NFIA: variants seen among roughly 807,000 people sequenced by gnomAD.
The protein encoded by NFIA is nuclear factor I A.
Under a neutral mutation model 62.8 loss-of-function variants are expected in NFIA, and 8 were observed. That is an observed-to-expected ratio of 0.13 (90% CI 0.07 to 0.23). The LOEUF (loss-of-function observed/expected upper bound fraction) is 0.23. Among genes scored for constraint, NFIA ranks in the 10% least tolerant of loss-of-function variants. The pLI, the probability that NFIA is intolerant of heterozygous loss-of-function variation, is 1.00. For synonymous variants in NFIA, 235 were observed against 238.1 expected (o/e 0.99, Z 0.12); for missense variants, 410 against 642.1 (o/e 0.64, Z 3.91).
At chr1:61,240,658 ATTG>A in intron 2 of NFIA, among the ~76,000 whole-genome samples, 1 of 152,074 alleles carries the variant, frequency 6.6e-6, no homozygotes, top group African/African-American at 2.4e-5. Context: ...AAATTACTAG[ATTG>A]TAATTTTCTT....
chr1:61,369,697 A>G (rs891028306), intron 6 of NFIA, among the ~76,000 whole-genome samples: 3 of 152,118 alleles, frequency 2.0e-5, no homozygotes, highest in Non-Finnish European at 4.4e-5. Flanking sequence ...TTTTAAATAT[A>G]TAAGCGTTTT....
At chr1:61,262,650 A>C (rs1443552845) in intron 2 of NFIA, among the ~76,000 whole-genome samples, 6 of 152,252 alleles carry the variant, frequency 3.9e-5, no homozygotes, top group African/African-American at 1.4e-4. Context: ...GAGAAAAGGA[A>C]ATCATTAAGT....
At chr1:61,228,066 C>T (rs1373672125) in intron 2 of NFIA, among the ~76,000 whole-genome samples, 1 of 152,184 alleles carries the variant, frequency 6.6e-6, no homozygotes, top group Non-Finnish European at 1.5e-5. Flanking sequence ...CCAATTTAAT[C>T]AGTCTGAATG....
chr1:61,461,298 AT>A lies in NFIA; in HGVS notation c.*5979del, dbSNP rs1399507478. On this transcript the variant is annotated 3_prime_UTR_variant, in exon 11 of 11. Coordinates refer to ENST00000403491, the MANE Select transcript of NFIA (RefSeq NM_001134673.4). Reference sequence around the variant, plus strand: ...ATTAAAAGGAAAAATAAGAAAAAAAATGTAAGAAATCACATGGCTATTTAGT... The same window carrying A: ...ATTAAAAGGAAAAATAAGAAAAAAAAGTAAGAAATCACATGGCTATTTAGT... 2.6e-5 allele frequency: 4 copies of A among 152,224 alleles called. No homozygotes were observed. The highest frequency in any genetic ancestry group is 4.8e-5 in the African/African-American group (2 of 41,462). 9.4% of individuals were successfully genotyped at this position (152,224 alleles called of 1,614,324 possible).
chr1:61,228,504 G>C (rs1654469826), intron 2 of NFIA, among the ~76,000 whole-genome samples: 1 of 152,156 alleles, frequency 6.6e-6, no homozygotes, highest in African/African-American at 2.4e-5. Context: ...GGATGGTGTG[G>C]CTCAAATAAT....
At chr1:61,346,484 T>G (rs1662234343) in intron 4 of NFIA, among the ~76,000 whole-genome samples, 1 of 152,258 alleles carries the variant, frequency 6.6e-6, no homozygotes, top group African/African-American at 2.4e-5. Flanking sequence ...ACATACATCT[T>G]ATTGATATTT....
intron 2 of NFIA, among the ~76,000 whole-genome samples, chr1:61,097,498 G>C (rs1329402182): frequency 1.3e-5 from 2 of 152,168 alleles, no homozygotes; most frequent in Non-Finnish European, 2.9e-5. Context: ...GCCAGTGATT[G>C]GGTAGTACAT....
intron 2 of NFIA, among the ~76,000 whole-genome samples, chr1:61,175,256 CTCAG>C (rs1299170215): frequency 6.6e-6 from 1 of 152,046 alleles, no homozygotes; most frequent in Non-Finnish European, 1.5e-5. Flanking sequence ...ATTCTCTTGC[CTCAG>C]TCTTTTGAGT....
chr1:61,143,683 G>A (rs1199399378), intron 2 of NFIA, among the ~76,000 whole-genome samples: 1 of 152,130 alleles, frequency 6.6e-6, no homozygotes, highest in African/African-American at 2.4e-5. Context: ...GAGCCACTGT[G>A]CCTTGCCTTC....
chr1:61,381,219 T>C (rs1664396466), intron 6 of NFIA, among the ~76,000 whole-genome samples: 1 of 152,196 alleles, frequency 6.6e-6, no homozygotes, highest in South Asian at 2.1e-4. Context: ...AGTGGAATGG[T>C]TGGCAGCCTA....
chr1:61,287,658 C>A (rs75761324), intron 3 of NFIA, among the ~76,000 whole-genome samples: 1 of 151,456 alleles, frequency 6.6e-6, no homozygotes, highest in Non-Finnish European at 1.5e-5. Flanking sequence ...TGTCCCCAAC[C>A]CCCCCCAAAA....
Position 61,434,480 on chromosome 1 carries a change from A to G in NFIA, c.1512+7924A>G, listed in dbSNP as rs140997721. Among the ~76,000 whole-genome samples the G allele has an allele frequency of 9.2e-5, 14 of 152,318 alleles. 1 individual carries two copies. In the East Asian group the frequency reaches 2.7e-3, roughly 29 times the overall value. Reference sequence around the variant, plus strand: ...TGACAGGCTATGAGACACTCTTAAAATAAATTTTTCAATAAACAGAGTCTT... The same window carrying G: ...TGACAGGCTATGAGACACTCTTAAAGTAAATTTTTCAATAAACAGAGTCTT... On this transcript the variant is annotated intron_variant, in intron 10 of 10. Coordinates refer to ENST00000403491, the MANE Select transcript of NFIA (RefSeq NM_001134673.4).
chr1:61,242,804 A>T (rs1267727849), intron 2 of NFIA, among the ~76,000 whole-genome samples: 2 of 152,174 alleles, frequency 1.3e-5, no homozygotes, highest in African/African-American at 4.8e-5. Context: ...GCTGGTTGTC[A>T]TGAAGGTACT....
At chr1:61,226,706 A>C (rs1348044990) in intron 2 of NFIA, among the ~76,000 whole-genome samples, 1 of 152,192 alleles carries the variant, frequency 6.6e-6, no homozygotes, top group Non-Finnish European at 1.5e-5. Context: ...GATATTATTA[A>C]AAAATTTTAT....
At chr1:61,164,590 G>A (rs1034564070) in intron 2 of NFIA, among the ~76,000 whole-genome samples, 1 of 152,058 alleles carries the variant, frequency 6.6e-6, no homozygotes, top group South Asian at 2.1e-4. Context: ...CTCCCGAGTA[G>A]CTGGGACTAC....
chr1:61,267,585 A>C (rs1215647746), intron 2 of NFIA, among the ~76,000 whole-genome samples: 1 of 152,190 alleles, frequency 6.6e-6, no homozygotes, highest in Non-Finnish European at 1.5e-5. Context: ...TATTTCACTT[A>C]AAAAAAGATT....
At chr1:61,276,885 T>G (rs1316062870) in intron 2 of NFIA, among the ~76,000 whole-genome samples, 1 of 152,088 alleles carries the variant, frequency 6.6e-6, no homozygotes, top group East Asian at 1.9e-4. Flanking sequence ...CCTTTTAGGA[T>G]CTCCCAAATG....
intron 3 of NFIA, among the ~76,000 whole-genome samples, chr1:61,312,146 C>T (rs1373402697): frequency 6.6e-6 from 1 of 152,224 alleles, no homozygotes; most frequent in African/African-American, 2.4e-5. Flanking sequence ...AGCTTATATG[C>T]CTGTAATGAT....
chr1:61,159,974 G>A (rs939841751), intron 2 of NFIA, among the ~76,000 whole-genome samples: 50 of 152,264 alleles, frequency 3.3e-4, no homozygotes, highest in African/African-American at 1.1e-3. Context: ...GAGCCACCGC[G>A]CCCGGCCTGT....
Sources: allele counts gnomAD v4.1 joint callset (sites outside exome capture counted in the v4.1 genomes callset), GRCh38; gene constraint gnomAD v4.1.1; transcripts MANE v1.5; gene names NCBI Gene and HGNC (gene_info 2026-07-23, HGNC 2026-07-21).